PLXNA2: variants seen among roughly 807,000 people sequenced by gnomAD.
PLXNA2 encodes plexin-A2.
In PLXNA2, 91 loss-of-function variants were observed where a neutral mutation model predicts 193.5. The observed-to-expected ratio is 0.47, with a 90% CI of 0.40 to 0.56. The LOEUF is 0.56. Among genes scored for constraint, PLXNA2 ranks in the 20% least tolerant of loss-of-function variants. The pLI, the probability that PLXNA2 is intolerant of heterozygous loss-of-function variation, is 0.00. For missense variants in PLXNA2, 1,995 were observed against 2,503.2 expected, an observed-to-expected ratio of 0.80 and a Z score of 4.33; for synonymous variants, 997 against 1,027.3, an observed-to-expected ratio of 0.97 and a Z score of 0.56.
intron 31 of PLXNA2, among the ~76,000 whole-genome samples, chr1:208,027,740 G>T (rs922165357): frequency 6.6e-6 from 1 of 152,226 alleles, no homozygotes; most frequent in Non-Finnish European, 1.5e-5. Context: ...CATTAAGAGA[G>T]AATGAAATTA....
intron 2 of PLXNA2, among the ~76,000 whole-genome samples, chr1:208,211,955 C>T (rs1230450667): frequency 2.6e-5 from 4 of 152,186 alleles, no homozygotes; most frequent in East Asian, 1.9e-4. Context: ...GTGCTCAGCA[C>T]GGGGCTGGGT....
chr1:208,189,532 G>A (rs1366732701), intron 3 of PLXNA2, among the ~76,000 whole-genome samples: 1 of 151,732 alleles, frequency 6.6e-6, no homozygotes, highest in African/African-American at 2.4e-5. Flanking sequence ...AGCGAACCTG[G>A]GGCTGAGGCA....
chr1:208,210,328 G>C lies in PLXNA2; in HGVS notation c.1323C>G (p.Asn441Lys), dbSNP rs142684842. Reference sequence around the variant, plus strand: ...TCCCCACAAAAACCACGCTGTAGCCGTTGTAAACGTAGGAGGCCACAGAGG... The same window carrying C: ...TCCCCACAAAAACCACGCTGTAGCCCTTGTAAACGTAGGAGGCCACAGAGG... ...RMTSVASYVYNGYSVVFVGTK... is the reference protein window; with the variant it reads ...RMTSVASYVYKGYSVVFVGTK... Residue 441 changes from asparagine to lysine, a missense_variant, in exon 3 of 32, where the codon AAC becomes AAG. Around this residue, in one of 3 missense-constraint regions of PLXNA2, gnomAD observed 702 missense variants for 812.9 expected, o/e 0.86. Transcript: ENST00000367033. 1 of 1,613,936 alleles carries C rather than the reference G, an allele frequency of 6.2e-7. No individual in the cohort carries two copies. Among genetic ancestry groups the C allele is most frequent in the Non-Finnish European group, 8.5e-7 (1 of 1,180,014 alleles).
At chr1:208,132,769 A>G (rs1002509542) in intron 4 of PLXNA2, among the ~76,000 whole-genome samples, 1 of 152,160 alleles carries the variant, frequency 6.6e-6, no homozygotes, top group Non-Finnish European at 1.5e-5. Context: ...ACTACCATTT[A>G]CTAAGCGGGT....
At chr1:208,222,184 C>A (rs1671359255) in intron 1 of PLXNA2, among the ~76,000 whole-genome samples, 1 of 152,168 alleles carries the variant, frequency 6.6e-6, no homozygotes, top group African/African-American at 2.4e-5. Context: ...TTTGCATACC[C>A]AGTGTGACTT....
At chr1:208,124,388 G>T (rs542344199) in intron 4 of PLXNA2, among the ~76,000 whole-genome samples, 1 of 152,064 alleles carries the variant, frequency 6.6e-6, no homozygotes, top group Non-Finnish European at 1.5e-5. Context: ...GTTTTAAAAA[G>T]TAGAACCAGG....
intron 1 of PLXNA2, among the ~76,000 whole-genome samples, chr1:208,227,049 G>C (rs1412154272): frequency 6.6e-6 from 1 of 152,184 alleles, no homozygotes; most frequent in Non-Finnish European, 1.5e-5. Flanking sequence ...TTGAGTTGCT[G>C]TTCTGGTAGA....
chr1:208,133,455 G>A (rs1668219415), intron 4 of PLXNA2, among the ~76,000 whole-genome samples: 1 of 152,154 alleles, frequency 6.6e-6, no homozygotes, highest in Non-Finnish European at 1.5e-5. Flanking sequence ...TATCTTCCTG[G>A]CAGCCCTATT....
At chr1:208,071,228 C>T (rs1665966118) in intron 12 of PLXNA2, among the ~76,000 whole-genome samples, 1 of 152,158 alleles carries the variant, frequency 6.6e-6, no homozygotes, top group Non-Finnish European at 1.5e-5. Context: ...CCATCAGCAT[C>T]CTCAGCGGAT....
At chr1:208,195,357 G>C (rs552363269) in intron 3 of PLXNA2, among the ~76,000 whole-genome samples, 34 of 152,292 alleles carry the variant, frequency 2.2e-4, no homozygotes, top group African/African-American at 8.2e-4. Context: ...AGATCCGGGA[G>C]GGTGGCAACC....
intron 3 of PLXNA2, among the ~76,000 whole-genome samples, chr1:208,194,460 CAAAAA>C (rs10522096): frequency 3.2e-5 from 3 of 93,972 alleles, no homozygotes; most frequent in Admixed American, 1.1e-4. Context: ...CAGCTTACTG[CAAAAA>C]AAAAAAAAAA....
At chr1:208,031,342 G>A (rs1664497483) in intron 29 of PLXNA2, 3 of 1,349,528 alleles carry the variant, frequency 2.2e-6, no homozygotes, top group Non-Finnish European at 1.9e-6. Flanking sequence ...TCACAACCTG[G>A]AGGGGCAGAA....
At chr1:208,203,542 G>C (rs377379447) in intron 3 of PLXNA2, among the ~76,000 whole-genome samples, 6 of 152,318 alleles carry the variant, frequency 3.9e-5, no homozygotes, top group African/African-American at 1.4e-4. Context: ...CTATTGTTTG[G>C]TGGGGCTGGC....
chr1:208,027,111 C>A lies in PLXNA2; in HGVS notation c.*132G>T, dbSNP rs959094400. The stretch of plus-strand genomic sequence containing the variant: ...CTGGCGTAGGGAGAGGAGTCCTCCC[C>A]TCTCCCCAGGATGGGGTCTCAGGGG... On this transcript the variant is annotated 3_prime_UTR_variant, in exon 32 of 32. Transcript: ENST00000367033. The A allele has an allele frequency of 1.8e-5, 15 of 822,072 alleles. No homozygotes were observed. The highest frequency in any genetic ancestry group is 2.0e-5 in the Non-Finnish European group (10 of 510,476). The allele number at this position is 822,072 out of a possible 1,614,324, so 50.9% of individuals were successfully genotyped here. A position where few individuals can be genotyped will look rare whatever the true frequency, so the allele number is the denominator to read the frequency against.
At chr1:208,077,030 G>A (rs935053326) in intron 12 of PLXNA2, among the ~76,000 whole-genome samples, 2 of 151,968 alleles carry the variant, frequency 1.3e-5, no homozygotes, top group Non-Finnish European at 2.9e-5. Context: ...GATGGGGTAG[G>A]GGTAGGAGAA....
chr1:208,219,785 C>T (rs568606423), intron 1 of PLXNA2, among the ~76,000 whole-genome samples: 1 of 152,322 alleles, frequency 6.6e-6, no homozygotes, highest in Admixed American at 6.5e-5. Flanking sequence ...AGGCCCTGGG[C>T]TTCCTTGGAA....
chr1:208,033,204 A>G, intron 28 of PLXNA2, 115 bp downstream of exon 28: 1 of 997,854 alleles, frequency 1.0e-6, no homozygotes. Flanking sequence ...CTGTACCTGG[A>G]CTGTCTGAAT....
intron 3 of PLXNA2, among the ~76,000 whole-genome samples, chr1:208,189,917 G>C (rs1309726489): frequency 6.6e-6 from 1 of 152,162 alleles, no homozygotes; most frequent in Non-Finnish European, 1.5e-5. Context: ...TCTTTATGAA[G>C]ACATTTCAGG....
chr1:208,045,187 G>C lies in PLXNA2; in HGVS notation c.3519C>G (p.Ala1173=). ...TGTAGTTGAGTTTGGCCCCTCCAGA[G>C]GCAGGAGGGCAGAGGTTTTTGCCCT... is the stretch of plus-strand genomic sequence containing the variant. ...ILKGKNLCPP[A]SGGAKLNYTV... Residue 1173 remains alanine (A), a synonymous_variant, in exon 19 of 32, where the codon GCC becomes GCG. Transcript: ENST00000367033. 1 of 1,614,090 alleles carries C rather than the reference G, an allele frequency of 6.2e-7. No homozygotes were observed.
Sources: gnomAD v4.1 joint callset for allele counts (sites outside exome capture counted in the v4.1 genomes callset) on GRCh38, gnomAD v4.1.1 for gene constraint, gnomAD v4.1.1 regional missense constraint, MANE v1.5 for transcripts, NCBI Gene and HGNC (gene_info 2026-07-23, HGNC 2026-07-21) for gene names.